The following NOL11 variants were observed in gnomAD, a reference collection of about 807,000 sequenced individuals.
The protein encoded by NOL11 is nucleolar protein 11.
A neutral mutation model predicts 93.0 loss-of-function variants in NOL11; 42 were observed. The ratio of observed to expected loss-of-function variants is 0.45; its 90% confidence interval spans 0.35 to 0.58. The LOEUF (loss-of-function observed/expected upper bound fraction) is 0.58. NOL11 is among the 20% of genes least tolerant of loss of function. The pLI is 0.00. For synonymous variants in NOL11, 296 were observed against 293.7 expected (o/e 1.01, Z -0.08); for missense variants, 775 against 841.8 (o/e 0.92, Z 0.98).
intron 7 of NOL11, among the ~76,000 whole-genome samples, chr17:67,727,730 G>A: frequency 6.6e-6 from 1 of 151,304 alleles, no homozygotes; most frequent in Non-Finnish European, 1.5e-5. Context: ...TGGGGAGGCT[G>A]AGACAGGCAG....
chr17:67,722,262 G>A (rs556311819), intron 4 of NOL11, among the ~76,000 whole-genome samples: 9 of 152,250 alleles, frequency 5.9e-5, no homozygotes, highest in African/African-American at 1.9e-4. Flanking sequence ...CTCAGAACAC[G>A]AGTCCCAAAA....
intron 1 of NOL11, among the ~76,000 whole-genome samples, chr17:67,718,562 G>T (rs9900610): frequency 0.043 from 6,548 of 152,210 alleles, 451 homozygotes; most frequent in African/African-American, 0.15. Flanking sequence ...TTTCTTGATA[G>T]CTCGCTAAGA....
At chr17:67,725,571 G>T (rs945144146) in intron 6 of NOL11, among the ~76,000 whole-genome samples, 2 of 152,092 alleles carry the variant, frequency 1.3e-5, no homozygotes, top group African/African-American at 2.4e-5. Context: ...GTTTGCGGTG[G>T]CTATTTTTTA....
At chr17:67,718,375 C>G (rs1302025023) in intron 1 of NOL11, among the ~76,000 whole-genome samples, 1 of 152,162 alleles carries the variant, frequency 6.6e-6, no homozygotes, top group Admixed American at 6.5e-5. Context: ...CGGAATTGGC[C>G]TTGCTAAGAT....
chr17:67,719,421 C>CG (rs1213099159), intron 1 of NOL11: 1 of 257,564 alleles, frequency 3.9e-6, no homozygotes, highest in Non-Finnish European at 7.6e-6. Flanking sequence ...CCACCACGCC[C>CG]GGCTAATTTT....
At chr17:67,739,133 C>A in intron 15 of NOL11, 123 bp downstream of exon 15, 1 of 734,058 alleles carries the variant, frequency 1.4e-6, no homozygotes, top group Non-Finnish European at 2.3e-6. Flanking sequence ...AGAGGTTGCC[C>A]AGCTCTAATG....
chr17:67,725,580 T>A (rs2055083998), intron 6 of NOL11, among the ~76,000 whole-genome samples: 1 of 152,236 alleles, frequency 6.6e-6, no homozygotes, highest in African/African-American at 2.4e-5. Context: ...GGCTATTTTT[T>A]AAAAGGCTCC....
At position 67,721,378 on chromosome 17, in the gene NOL11, T is replaced by C; in HGVS notation, c.313T>C (p.Leu105=). The C allele has an allele frequency of 2.6e-6, 4 of 1,524,368 alleles. No individual in the cohort carries two copies. The highest frequency in any genetic ancestry group is 1.4e-5 in the South Asian group (1 of 73,928). 94.4% of individuals were successfully genotyped at this position (1,524,368 alleles called of 1,614,324 possible). A position where few individuals can be genotyped will look rare whatever the true frequency, so the allele number is the denominator to read the frequency against. The part of the protein sequence containing the change: ...VNLDKVFKAT[L]SAEVYRILSV... ...ATTAAAATTTTTTATGTTCTTCCAG[T>C]TGTCAGCAGAAGTATATAGGATACT... Residue 105 remains leucine, a splice_region_variant and synonymous_variant, in exon 4 of 18, where the codon TTG becomes CTG. Transcript: ENST00000253247.
rs765213097 is a variant in NOL11, at chr17:67,726,483, ACCT to A, written c.689_691del (p.Thr230_Leu231delinsMet). 5.6e-6 allele frequency: 9 copies of A among 1,612,968 alleles called. No individual in the cohort carries two copies. The highest frequency in any genetic ancestry group is 7.6e-6 in the Non-Finnish European group (9 of 1,179,688). ...AGGCTCTGATGGTTGTATATATGAA[ACCT>A]TGATACCAATACGTCCAGCTGACCC... On this transcript the variant is annotated inframe_deletion, in exon 7 of 18. Transcript: ENST00000253247.
intron 1 of NOL11, among the ~76,000 whole-genome samples, chr17:67,718,629 G>A (rs1295975162): frequency 6.6e-6 from 1 of 152,136 alleles, no homozygotes; most frequent in East Asian, 1.9e-4. Context: ...GGGAATCCTG[G>A]AGTTGAGTCC....
intron 17 of NOL11, 78 bp downstream of exon 17, chr17:67,743,664 C>G (rs1369260512): frequency 8.2e-7 from 1 of 1,223,408 alleles, no homozygotes; most frequent in African/African-American, 1.5e-5. Context: ...TAAAATTTGT[C>G]CTTAAATAAC....
intron 4 of NOL11, among the ~76,000 whole-genome samples, chr17:67,722,371 G>A (rs1055057371): frequency 2.0e-5 from 3 of 152,198 alleles, no homozygotes; most frequent in African/African-American, 7.2e-5. Flanking sequence ...CATCTGGGGA[G>A]TTCAATAACC....
At chr17:67,718,141 G>T in intron 1 of NOL11, 53 bp downstream of exon 1, 1 of 1,590,676 alleles carries the variant, frequency 6.3e-7, no homozygotes, top group Admixed American at 1.8e-5. Context: ...CCCTTTCTGA[G>T]CGCGGAGCTC....
In NOL11 at chr17:67,743,759, A is replaced by G. The variant is rs201377381; in HGVS notation, c.2060A>G (p.Glu687Gly). 3.3e-6 allele frequency: 5 copies of G among 1,525,848 alleles called. No individual in the cohort carries two copies. The highest frequency in any genetic ancestry group is 2.3e-5 in the Admixed American group (1 of 43,054). 94.5% of individuals were successfully genotyped at this position (1,525,848 alleles called of 1,614,324 possible). ...TTTCTTTAGATATCTGTTTATTCTGAGCTCAACAAGATTGAAGTAAGTTTT... is the reference window on the plus strand; with the variant it reads ...TTTCTTTAGATATCTGTTTATTCTGGGCTCAACAAGATTGAAGTAAGTTTT... ...LVKSQISVYSELNKIEVSFRE... is the reference protein window; with the variant it reads ...LVKSQISVYSGLNKIEVSFRE... Residue 687 changes from glutamate to glycine, a missense_variant, in exon 18 of 18, where the codon GAG becomes GGG. By Grantham distance (98) the Glu-to-Gly change is moderately conservative. Around this residue, in one of 2 missense-constraint regions of NOL11, gnomAD observed 416 missense variants for 525.2 expected, o/e 0.79. Transcript: ENST00000253247.
chr17:67,725,257 C>G (rs1380039423), intron 6 of NOL11, among the ~76,000 whole-genome samples: 1 of 152,082 alleles, frequency 6.6e-6, no homozygotes, highest in Non-Finnish European at 1.5e-5. Flanking sequence ...TATGCCCTTC[C>G]TTGAATAGCA....
intron 1 of NOL11, among the ~76,000 whole-genome samples, chr17:67,718,684 A>T (rs548511136): frequency 3.9e-5 from 6 of 152,306 alleles, no homozygotes; most frequent in East Asian, 1.9e-4. Context: ...CTAAAGCCTG[A>T]TAGAGAACAC....
intron 16 of NOL11, among the ~76,000 whole-genome samples, chr17:67,740,469 TGTG>T (rs1309893737): frequency 6.6e-6 from 1 of 150,592 alleles, no homozygotes; most frequent in Non-Finnish European, 1.5e-5. Flanking sequence ...ATTAGCCAGG[TGTG>T]GTGGCATATG....
intron 1 of NOL11, among the ~76,000 whole-genome samples, chr17:67,718,467 C>G (rs2143069191): frequency 6.6e-6 from 1 of 152,194 alleles, no homozygotes; most frequent in African/African-American, 2.4e-5. Context: ...ATGACACTGA[C>G]AGAGTGGGAA....
chr17:67,736,029 AACTT>A lies in NOL11; in HGVS notation c.1054+11_1054+14del, dbSNP rs1209124877. 1.9e-6 allele frequency: 3 copies of A among 1,601,934 alleles called. No individual in the cohort carries two copies. Among genetic ancestry groups the A allele is most frequent in the South Asian group, 2.3e-5 (2 of 88,648 alleles). Reference sequence around the variant, plus strand: ...CAAGCATAGTCAAGATCCAGGTAGAAACTTACTTCTGTTTGTTTTATTAATACAA... The same window carrying A: ...CAAGCATAGTCAAGATCCAGGTAGAAACTTCTGTTTGTTTTATTAATACAA... On this transcript the variant is annotated splice_region_variant and intron_variant, in intron 9 of 17. Coordinates refer to ENST00000253247, the MANE Select transcript of NOL11 (RefSeq NM_015462.5).
Sources: allele counts gnomAD v4.1 joint callset (sites outside exome capture counted in the v4.1 genomes callset), GRCh38; gene constraint gnomAD v4.1.1; regional missense constraint gnomAD v4.1.1; transcripts MANE v1.5; gene names NCBI Gene and HGNC (gene_info 2026-07-23, HGNC 2026-07-21).